Variants in TMEM39A observed in about 807,000 individuals in gnomAD.
TMEM39A encodes transmembrane protein 39A.
A neutral mutation model predicts 51.9 loss-of-function variants in TMEM39A; 19 were observed. That is an observed-to-expected ratio of 0.37 (90% CI 0.26 to 0.54). The LOEUF (loss-of-function observed/expected upper bound fraction) is 0.54. Ranked by LOEUF, TMEM39A falls within the 20% of genes least tolerant of loss-of-function variation. The probability of loss-of-function intolerance (pLI) is 0.88; values close to 1 mark genes in which losing one functional copy is unlikely to be tolerated. For synonymous variants in TMEM39A, 197 were observed against 220.2 expected (o/e 0.89, Z 0.93); for missense variants, 433 against 590.5 (o/e 0.73, Z 2.76).
chr3:119,459,267 A>G (rs2081306415), intron 2 of TMEM39A, among the ~76,000 whole-genome samples: 1 of 152,230 alleles, frequency 6.6e-6, no homozygotes, highest in Non-Finnish European at 1.5e-5. Flanking sequence ...AATGTGGTTT[A>G]TGCTGAACAC....
chr3:119,434,690 T>C, intron 8 of TMEM39A, 72 bp downstream of exon 8: 1 of 1,574,136 alleles, frequency 6.4e-7, no homozygotes, highest in South Asian at 1.1e-5. Flanking sequence ...CTATGCTACA[T>C]GCTTCCACAT....
chr3:119,457,554 G>A (rs2081282362), intron 3 of TMEM39A, among the ~76,000 whole-genome samples: 1 of 152,160 alleles, frequency 6.6e-6, no homozygotes, highest in South Asian at 2.1e-4. Context: ...CACCTTGGAG[G>A]TCACATGTTG....
rs1446599999 is a variant in TMEM39A, at chr3:119,458,206, T to C, written c.148A>G (p.Ile50Val). The C allele has an allele frequency of 3.7e-6, 6 of 1,613,978 alleles. No homozygotes were observed. The highest frequency in any genetic ancestry group is 5.1e-6 in the Non-Finnish European group (6 of 1,180,024). ...GSAIGLPVPPITALITPGPVR... is the reference protein window; with the variant it reads ...GSAIGLPVPPVTALITPGPVR... ...GGACCTGGGGTGATTAAGGCTGTGATAGGTGGGACTGGAAGGCCAATAGCA... is the reference window on the plus strand; with the variant it reads ...GGACCTGGGGTGATTAAGGCTGTGACAGGTGGGACTGGAAGGCCAATAGCA... Residue 50 changes from isoleucine (I) to valine (V), a missense_variant, in exon 3 of 9, where the codon ATC (isoleucine) becomes GTC (valine). By Grantham distance (29) the Ile-to-Val change is conservative. This residue lies in a region of TMEM39A where 170 missense variants were observed against 239.8 expected (regional missense o/e 0.71). Transcript: ENST00000319172.
At position 119,432,330 on chromosome 3, in the gene TMEM39A, TA is replaced by T; in HGVS notation, c.1234-117del. The T allele has an allele frequency of 4.6e-6, 3 of 655,480 alleles. No homozygotes were observed. In the South Asian group the frequency reaches 7.0e-5, roughly 15 times the overall value. 40.6% of individuals were successfully genotyped at this position (655,480 alleles called of 1,614,324 possible). On this transcript the variant is annotated intron_variant, in intron 8 of 8. Coordinates refer to ENST00000319172, the MANE Select transcript of TMEM39A (RefSeq NM_018266.3). ...ATTTACAGGTTCCCATATATAATAA[TA>T]AATAGATCTGTTTATTTAATATCAA...
At chr3:119,463,311 C>T in intron 1 of TMEM39A, 25 bp downstream of exon 1, 1 of 337,684 alleles carries the variant, frequency 3.0e-6, no homozygotes, top group East Asian at 4.5e-5. Flanking sequence ...ACAGCCGGAC[C>T]TTGGGGCAGC....
At position 119,455,573 on chromosome 3, in the gene TMEM39A, G is replaced by C. The variant is rs555671985; in HGVS notation, c.336+2445C>G. On this transcript the variant is annotated intron_variant, in intron 3 of 8. Coordinates refer to ENST00000319172, the MANE Select transcript of TMEM39A (RefSeq NM_018266.3). The stretch of plus-strand genomic sequence containing the variant: ...ATATAAAACTTGAATAGAAGTGAGT[G>C]AAGTTAGGGGGAAAGGTAGCAAAAG... 2.6e-5 allele frequency among the ~76,000 whole-genome samples: 4 copies of C among 152,308 alleles called. No homozygotes were observed. The South Asian group carries it at 8.3e-4, about 32-fold the overall frequency.
intron 5 of TMEM39A, among the ~76,000 whole-genome samples, chr3:119,440,975 T>C (rs927248946): frequency 1.3e-5 from 2 of 152,188 alleles, no homozygotes; most frequent in African/African-American, 4.8e-5. Context: ...ATTACATCTG[T>C]TATGCGAAAT....
intron 7 of TMEM39A, among the ~76,000 whole-genome samples, chr3:119,436,119 G>A (rs2080964580): frequency 6.6e-6 from 1 of 152,168 alleles, no homozygotes; most frequent in Non-Finnish European, 1.5e-5. Flanking sequence ...TATGATGAAG[G>A]ACTCAGAAGT....
rs2080945802 is a variant in TMEM39A at position 119,434,696 on chromosome 3, C to T, written c.1233+66G>A. 8.2e-6 allele frequency: 13 copies of T among 1,587,722 alleles called. No individual in the cohort carries two copies. In the South Asian group the frequency reaches 1.5e-4, roughly 18 times the overall value. On this transcript the variant is annotated intron_variant, in intron 8 of 8. Transcript: ENST00000319172. ...TGCTACATGCTATGCTACATGCTTCCACATAGAGTGGCCTCCTAACACTTA... is the reference window on the plus strand; with the variant it reads ...TGCTACATGCTATGCTACATGCTTCTACATAGAGTGGCCTCCTAACACTTA...
chr3:119,434,892 A>G lies in TMEM39A; in HGVS notation c.1113-10T>C. On this transcript the variant is annotated splice_polypyrimidine_tract_variant and intron_variant, in intron 7 of 8. Transcript: ENST00000319172. ...TGTATTTTCTGACCAACTAAGGGAG[A>G]AAGAAATGCAATGTTAGCATATTGG... The G allele has an allele frequency of 6.2e-7, 1 of 1,612,136 alleles. No homozygotes were observed. The highest frequency in any genetic ancestry group is 8.5e-7 in the Non-Finnish European group (1 of 1,178,678).
intron 1 of TMEM39A, among the ~76,000 whole-genome samples, chr3:119,462,407 A>G (rs1424043317): frequency 6.6e-6 from 1 of 152,156 alleles, no homozygotes; most frequent in Non-Finnish European, 1.5e-5. Context: ...TATCATCTGT[A>G]AGATATTATA....
Position 119,458,035 on chromosome 3 carries a change from C to CA in TMEM39A, c.318dup (p.Ala107CysfsTer12). 6.2e-7 allele frequency: 1 copy of CA among 1,613,578 alleles called. No homozygotes were observed. Among genetic ancestry groups the CA allele is most frequent in the Non-Finnish European group, 8.5e-7 (1 of 1,179,686 alleles). ...AGACTTACCAGTGATGTACAAGAAG[C>CA]AGGATGATTGTAAGGATACCACCAC... On this transcript the variant is annotated frameshift_variant, in exon 3 of 9. Coordinates refer to ENST00000319172, the MANE Select transcript of TMEM39A (RefSeq NM_018266.3). LOFTEE classifies it high-confidence loss of function.
intron 7 of TMEM39A, chr3:119,435,553 C>G: frequency 1.0e-6 from 1 of 977,166 alleles, no homozygotes; most frequent in Non-Finnish European, 1.2e-6. Context: ...TGGGTGGGGA[C>G]AGGGATCTTC....
intron 1 of TMEM39A, among the ~76,000 whole-genome samples, chr3:119,462,568 C>A (rs1396848597): frequency 2.2e-5 from 3 of 135,470 alleles, no homozygotes; most frequent in Admixed American, 9.0e-5. Flanking sequence ...CAGATGGTCA[C>A]ATATTATCTG....
chr3:119,435,590 A>G (rs2080958369), intron 7 of TMEM39A: 2 of 983,462 alleles, frequency 2.0e-6, no homozygotes, highest in African/African-American at 3.5e-5. Context: ...AAAAAAAAAA[A>G]AAAATCTAAG....
intron 4 of TMEM39A, chr3:119,451,263 G>A (rs1385838248): frequency 3.9e-6 from 5 of 1,287,726 alleles, no homozygotes; most frequent in Non-Finnish European, 4.0e-6. Flanking sequence ...AGTATTTCCA[G>A]TTACTCTGCT....
chr3:119,455,576 G>A (rs573885888), intron 3 of TMEM39A, among the ~76,000 whole-genome samples: 10 of 152,326 alleles, frequency 6.6e-5, no homozygotes, highest in African/African-American at 2.4e-4. Context: ...AGTGAGTGAA[G>A]TTAGGGGGAA....
chr3:119,432,739 T>C (rs1248444055), intron 8 of TMEM39A, among the ~76,000 whole-genome samples: 1 of 152,146 alleles, frequency 6.6e-6, no homozygotes, highest in East Asian at 1.9e-4. Flanking sequence ...ACAAGTCAAA[T>C]ATGAATACAA....
At chr3:119,459,503 A>C (rs2081310339) in intron 2 of TMEM39A, among the ~76,000 whole-genome samples, 1 of 152,238 alleles carries the variant, frequency 6.6e-6, no homozygotes, top group African/African-American at 2.4e-5. Context: ...GGAATAAGCA[A>C]AGAAAACAAT....
Sources: allele counts gnomAD v4.1 joint callset (sites outside exome capture counted in the v4.1 genomes callset), GRCh38; gene constraint gnomAD v4.1.1; regional missense constraint gnomAD v4.1.1; transcripts MANE v1.5; gene names NCBI Gene and HGNC (gene_info 2026-07-23, HGNC 2026-07-21).